Variants in UNC5A observed in about 807,000 individuals in gnomAD.
The protein encoded by UNC5A is unc-5 netrin receptor A.
UNC5A carries 20 observed loss-of-function variants against 87.4 expected under a neutral mutation model. The observed-to-expected ratio is 0.23, with a 90% confidence interval of 0.16 to 0.33. The LOEUF is 0.33. Ranked by LOEUF, UNC5A falls within the 10% of genes least tolerant of loss-of-function variation. The pLI is 1.00. For missense variants in UNC5A, 844 were observed against 1,133.4 expected (o/e 0.74, Z 3.67); for synonymous variants, 438 against 482.3 (o/e 0.91, Z 1.20).
At chr5:176,858,718 AG>A (rs1561658892) in intron 1 of UNC5A, among the ~76,000 whole-genome samples, 1 of 29,972 alleles carries the variant, frequency 3.3e-5, no homozygotes, top group Non-Finnish European at 6.9e-5. Context: ...AGAAAGAGAG[AG>A]AGAGAAGGAA....
chr5:176,870,109 C>T (rs992526268), intron 5 of UNC5A, among the ~76,000 whole-genome samples: 1 of 152,276 alleles, frequency 6.6e-6, no homozygotes, highest in African/African-American at 2.4e-5. Context: ...CTCGCTGCCC[C>T]AGGGCCAGGA....
Position 176,877,265 on chromosome 5 carries a change from G to A in UNC5A, c.1452G>A (p.Lys484=). The A allele has an allele frequency of 6.2e-7, 1 of 1,612,426 alleles. No individual in the cohort carries two copies. The highest frequency in any genetic ancestry group is 1.3e-5 in the African/African-American group (1 of 75,010). The change falls in exon 9 of 15, where the codon AAG becomes AAA. Residue 484 remains lysine (K), a synonymous_variant. Transcript: ENST00000329542. ...ATGAGATCTACCTCACGCTGCACAA[G>A]CCGGAAGACGTGAGGTGTGGCCGCG... is the stretch of plus-strand genomic sequence containing the variant. The part of the protein sequence containing the change: ...KIYEIYLTLH[K]PEDVRLPLAG...
intron 1 of UNC5A, among the ~76,000 whole-genome samples, chr5:176,835,171 T>C (rs1430755781): frequency 6.6e-6 from 1 of 152,274 alleles, no homozygotes; most frequent in Non-Finnish European, 1.5e-5. Context: ...AGCCTGGGAA[T>C]GGGGCCTCCG....
chr5:176,845,306 C>G (rs1266806023), intron 1 of UNC5A, among the ~76,000 whole-genome samples: 1 of 152,234 alleles, frequency 6.6e-6, no homozygotes, highest in Non-Finnish European at 1.5e-5. Flanking sequence ...CCCCTGCTTC[C>G]CCACGCTCAG....
chr5:176,831,734 C>A (rs1757029413), intron 1 of UNC5A, among the ~76,000 whole-genome samples: 1 of 152,186 alleles, frequency 6.6e-6, no homozygotes, highest in Non-Finnish European at 1.5e-5. Context: ...GCCGCTGCTT[C>A]CTGACTGAAG....
In UNC5A at chr5:176,874,712, G is replaced by A; in HGVS notation, c.1378+146G>A. 1 of 964,530 alleles carries A rather than the reference G, an allele frequency of 1.0e-6. No individual in the cohort carries two copies. Among genetic ancestry groups the A allele is most frequent in the Non-Finnish European group, 1.5e-6 (1 of 684,344 alleles). The allele number at this position is 964,530 out of a possible 1,614,324, so 59.7% of individuals were successfully genotyped here. On this transcript the variant is annotated intron_variant, in intron 8 of 14. Transcript: ENST00000329542. This position sits in a 1 kb window ranked among gnomAD's most constrained non-coding sequence, Gnocchi z 7.6. ...GAGTTTTGGGGAGAACCCAGTCTTG[G>A]CTGGCACCGAGGCCGTGGCCAGAGC...
rs974139376 is a variant in UNC5A, at chr5:176,878,332, G to A, written c.1958G>A (p.Arg653His). ...TTCAAGGACAGTTACCACAACCTGC[G>A]CCTATCCATCCACGATGTGCCCAGC... is the stretch of plus-strand genomic sequence containing the variant. ...LHFKDSYHNLRLSIHDVPSSL... is the reference protein window; with the variant it reads ...LHFKDSYHNLHLSIHDVPSSL... Residue 653 changes from arginine (R) to histidine (H), a missense_variant, in exon 12 of 15, where the codon CGC becomes CAC. Transcript: ENST00000329542. The A allele has an allele frequency of 5.0e-6, 8 of 1,613,512 alleles. No individual in the cohort carries two copies. The highest frequency in any genetic ancestry group is 6.8e-6 in the Non-Finnish European group (8 of 1,180,020).
intron 1 of UNC5A, among the ~76,000 whole-genome samples, chr5:176,812,204 C>G (rs572981807): frequency 6.6e-6 from 1 of 152,252 alleles, no homozygotes; most frequent in Non-Finnish European, 1.5e-5. Context: ...GTGTTAGGGG[C>G]GTGTGTGCAG....
chr5:176,874,906 G>A lies in UNC5A; in HGVS notation c.1378+340G>A, dbSNP rs1295983481. Among the ~76,000 whole-genome samples, 2 of 152,200 alleles carry A rather than the reference G, an allele frequency of 1.3e-5. No individual in the cohort carries two copies. The highest frequency in any genetic ancestry group is 2.9e-5 in the Non-Finnish European group (2 of 68,028). ...GGGAGACAACCAAGGGCAAACAGATGAGCACGGGCCTGGGCAGAGGCCATC... is the reference window on the plus strand; with the variant it reads ...GGGAGACAACCAAGGGCAAACAGATAAGCACGGGCCTGGGCAGAGGCCATC... On this transcript the variant is annotated intron_variant, in intron 8 of 14. Transcript: ENST00000329542. This position sits in a 1 kb window ranked among gnomAD's most constrained non-coding sequence, Gnocchi z 7.6.
At position 176,870,372 on chromosome 5, in the gene UNC5A, G is replaced by A; in HGVS notation, c.724G>A (p.Asp242Asn). ...SASAAVIVYVDGSWSPWSKWS... is the reference protein window; with the variant it reads ...SASAAVIVYVNGSWSPWSKWS... ...CTCTCTGCTTGTCTCTCATCTAGTG[G>A]ACGGCAGCTGGAGCCCGTGGAGCAA... The change falls in exon 6 of 15, where the codon GAC (aspartate) becomes AAC (asparagine). Residue 242 changes from aspartate to asparagine, a missense_variant and splice_region_variant. Asp to Asn is a conservative substitution (Grantham distance 23). Around this residue, in one of 3 missense-constraint regions of UNC5A, gnomAD observed 314 missense variants for 466.5 expected, o/e 0.67. Coordinates refer to ENST00000329542, the MANE Select transcript of UNC5A (RefSeq NM_133369.3). 1 of 1,611,184 alleles carries A rather than the reference G, an allele frequency of 6.2e-7. No homozygotes were observed. The highest frequency in any genetic ancestry group is 8.5e-7 in the Non-Finnish European group (1 of 1,179,542).
chr5:176,842,982 C>A (rs2113623964), intron 1 of UNC5A, among the ~76,000 whole-genome samples: 1 of 152,000 alleles, frequency 6.6e-6, no homozygotes, highest in African/African-American at 2.4e-5. Context: ...GCCAACATGG[C>A]AAACCCTGTC....
At chr5:176,813,736 C>T (rs912951587) in intron 1 of UNC5A, among the ~76,000 whole-genome samples, 3 of 152,218 alleles carry the variant, frequency 2.0e-5, no homozygotes, top group African/African-American at 7.2e-5. Context: ...TCCTCACGAC[C>T]CTTCTTCCTG....
chr5:176,878,217 C>T (rs1252789859), intron 11 of UNC5A, 27 bp from the exon 12 acceptor site: 2 of 1,607,284 alleles, frequency 1.2e-6, no homozygotes, highest in Non-Finnish European at 1.7e-6. Flanking sequence ...GGGGAGGGGC[C>T]TGGGCTGACC....
chr5:176,817,605 C>A (rs1032585611), intron 1 of UNC5A, among the ~76,000 whole-genome samples: 3 of 151,398 alleles, frequency 2.0e-5, no homozygotes, highest in Admixed American at 6.6e-5. Flanking sequence ...CAAATGTGCC[C>A]GTCACTGGCG....
chr5:176,852,187 G>T (rs536807243), intron 1 of UNC5A, among the ~76,000 whole-genome samples: 1 of 152,304 alleles, frequency 6.6e-6, no homozygotes, highest in Admixed American at 6.5e-5. Flanking sequence ...TACTGCTTGT[G>T]AGGCAGCTGG....
Position 176,869,864 on chromosome 5 carries a change from C to T in UNC5A, c.722-506C>T, listed in dbSNP as rs1758067285. On this transcript the variant is annotated intron_variant, in intron 5 of 14. Transcript: ENST00000329542. This position sits in a 1 kb window ranked among gnomAD's most constrained non-coding sequence, Gnocchi z 9.1. The stretch of plus-strand genomic sequence containing the variant: ...CTCCATCGCGCCCACCAGCCTGCCC[C>T]CCCATGGCTCCATCCCACCCACCCG... 1.2e-5 allele frequency: 7 copies of T among 577,370 alleles called. No individual in the cohort carries two copies. The Admixed American group carries it at 1.2e-4, about 10-fold the overall frequency. 35.8% of individuals were successfully genotyped at this position (577,370 alleles called of 1,614,324 possible).
chr5:176,828,521 C>G (rs752488765), intron 1 of UNC5A, among the ~76,000 whole-genome samples: 91 of 152,290 alleles, frequency 6.0e-4, no homozygotes, highest in Non-Finnish European at 1.1e-3. Flanking sequence ...TCAGCCCCCC[C>G]ATCTTCCCCT....
At chr5:176,846,221 A>C (rs1020262318) in intron 1 of UNC5A, among the ~76,000 whole-genome samples, 1 of 152,184 alleles carries the variant, frequency 6.6e-6, no homozygotes, top group Non-Finnish European at 1.5e-5. Flanking sequence ...AGAGCAGAAC[A>C]GAGCACAGAG....
intron 1 of UNC5A, among the ~76,000 whole-genome samples, chr5:176,842,507 A>G (rs1430174214): frequency 2.6e-5 from 4 of 151,874 alleles, no homozygotes; most frequent in Admixed American, 1.3e-4. Flanking sequence ...ATATATATAT[A>G]TATGATGGAA....
Sources: allele counts gnomAD v4.1 joint callset (sites outside exome capture counted in the v4.1 genomes callset), GRCh38; gene constraint gnomAD v4.1.1; regional missense constraint gnomAD v4.1.1; non-coding constraint Gnocchi (gnomAD v3.1); transcripts MANE v1.5; gene names NCBI Gene and HGNC (gene_info 2026-07-23, HGNC 2026-07-21).